TMEM117: variants seen among roughly 807,000 people sequenced by gnomAD.
The protein encoded by TMEM117 is transmembrane protein 117.
In TMEM117, 27 loss-of-function variants were observed where a neutral mutation model predicts 52.4. The ratio of observed to expected loss-of-function variants is 0.51; its 90% CI spans 0.38 to 0.71. The LOEUF (loss-of-function observed/expected upper bound fraction) is 0.71. Ranked by LOEUF, TMEM117 falls within the 30% of genes least tolerant of loss-of-function variation. The pLI is 0.00. For missense variants in TMEM117, 556 were observed against 630.5 expected (o/e 0.88, Z 1.26); for synonymous variants, 215 against 206.3 (o/e 1.04, Z -0.36).
chr12:43,946,208 AAC>A (rs1470224192), intron 3 of TMEM117, among the ~76,000 whole-genome samples: 8 of 152,164 alleles, frequency 5.3e-5, no homozygotes, highest in African/African-American at 1.9e-4. Flanking sequence ...GGAGTTAGCT[AAC>A]ACAGCCAAAG....
intron 2 of TMEM117, among the ~76,000 whole-genome samples, chr12:43,902,449 T>C (rs1188558892): frequency 1.3e-5 from 2 of 152,212 alleles, no homozygotes; most frequent in East Asian, 3.8e-4. Context: ...GTTTTCAGAA[T>C]TGAACTAATA....
In TMEM117 at chr12:43,884,671, G is replaced by A. The variant is rs962600503; in HGVS notation, c.277+39743G>A. ...TACTGTTTTGTTTGCCTGTCGTGGA[G>A]TCCTAATTAGGGAAAAAGTCTCAGG... On this transcript the variant is annotated intron_variant, in intron 2 of 7. Transcript: ENST00000266534. Among the ~76,000 whole-genome samples, 200 of 152,246 alleles carry A rather than the reference G, an allele frequency of 1.3e-3. 2 individuals are homozygous for A. The highest frequency in any genetic ancestry group is 3.9e-4 in the East Asian group (2 of 5,180).
the TMEM117 span, among the ~76,000 whole-genome samples, chr12:43,821,755 T>C: frequency 2.0e-5 from 3 of 152,234 alleles, no homozygotes; most frequent in Non-Finnish European, 4.4e-5. Flanking sequence ...TTTCCATTTG[T>C]ATTCTGTTTG....
intron 3 of TMEM117, among the ~76,000 whole-genome samples, chr12:44,099,897 T>C (rs754119639): frequency 9.9e-5 from 15 of 151,532 alleles, no homozygotes; most frequent in Admixed American, 3.3e-4. Flanking sequence ...GAGCAAGCCA[T>C]GTAGTGGTGA....
At chr12:44,067,145 C>T (rs962042920) in intron 3 of TMEM117, among the ~76,000 whole-genome samples, 6 of 152,174 alleles carry the variant, frequency 3.9e-5, no homozygotes, top group African/African-American at 1.4e-4. Flanking sequence ...CCTCTTCAGG[C>T]TCTACTTCTA....
chr12:44,379,890 A>G (rs953816215), intron 7 of TMEM117, among the ~76,000 whole-genome samples: 1 of 152,124 alleles, frequency 6.6e-6, no homozygotes, highest in African/African-American at 2.4e-5. Flanking sequence ...AACCCTCTAG[A>G]TCCGTCAGGG....
At chr12:44,269,176 T>C (rs1370573576) in intron 5 of TMEM117, among the ~76,000 whole-genome samples, 3 of 152,150 alleles carry the variant, frequency 2.0e-5, no homozygotes, top group Admixed American at 6.5e-5. Context: ...GGGTTAGCTA[T>C]GTGATAATTT....
chr12:44,356,844 G>A (rs1202757993), intron 6 of TMEM117, among the ~76,000 whole-genome samples: 12 of 152,046 alleles, frequency 7.9e-5, no homozygotes, highest in Admixed American at 7.9e-4. Flanking sequence ...CTTAACACAA[G>A]ACTCTCCCCA....
At chr12:44,245,583 GTT>G (rs76314370) in intron 5 of TMEM117, among the ~76,000 whole-genome samples, 9 of 142,682 alleles carry the variant, frequency 6.3e-5, no homozygotes, top group African/African-American at 2.3e-4. Context: ...CAGTTCTAAC[GTT>G]TTTTTTTTTG....
At chr12:44,166,743 T>A (rs922537193) in intron 4 of TMEM117, among the ~76,000 whole-genome samples, 1 of 152,204 alleles carries the variant, frequency 6.6e-6, no homozygotes, top group Non-Finnish European at 1.5e-5. Context: ...TTAAGCATCC[T>A]GCAAAATCTT....
chr12:44,320,069 AC>A (rs1168075885), intron 6 of TMEM117, among the ~76,000 whole-genome samples: 5 of 152,198 alleles, frequency 3.3e-5, no homozygotes, highest in Non-Finnish European at 7.3e-5. Context: ...CTAACTGGCA[AC>A]CAGCTCTATC....
chr12:43,993,993 A>C (rs571902388), intron 3 of TMEM117, among the ~76,000 whole-genome samples: 1 of 152,196 alleles, frequency 6.6e-6, no homozygotes, highest in South Asian at 2.1e-4. Context: ...CTGTGTCTGG[A>C]CAAGATTTTT....
At chr12:44,308,007 C>A (rs1190235910) in intron 6 of TMEM117, among the ~76,000 whole-genome samples, 1 of 152,168 alleles carries the variant, frequency 6.6e-6, no homozygotes, top group Non-Finnish European at 1.5e-5. Flanking sequence ...ATAGTAAATT[C>A]TGTGAGGGAT....
chr12:43,816,212 G>T, the TMEM117 span, among the ~76,000 whole-genome samples: 1 of 152,136 alleles, frequency 6.6e-6, no homozygotes, highest in Non-Finnish European at 1.5e-5. Context: ...CTTGTTGGGG[G>T]TAATTGTGGG....
intron 3 of TMEM117, among the ~76,000 whole-genome samples, chr12:43,946,263 G>A (rs906983278): frequency 6.6e-6 from 1 of 151,960 alleles, no homozygotes; most frequent in Non-Finnish European, 1.5e-5. Flanking sequence ...ACTGAGAGCA[G>A]AAGGAGAAGG....
chr12:44,025,650 A>G (rs1195212039), intron 3 of TMEM117, among the ~76,000 whole-genome samples: 1 of 152,192 alleles, frequency 6.6e-6, no homozygotes, highest in Non-Finnish European at 1.5e-5. Flanking sequence ...TTTCGAAAAA[A>G]AATGTTGCTG....
chr12:44,339,371 C>T (rs1426396800), intron 6 of TMEM117, among the ~76,000 whole-genome samples: 1 of 151,736 alleles, frequency 6.6e-6, no homozygotes, highest in African/African-American at 2.4e-5. Context: ...TTGCAATGAT[C>T]TACAACATCC....
At chr12:43,824,363 A>G in the TMEM117 span, among the ~76,000 whole-genome samples, 1 of 152,210 alleles carries the variant, frequency 6.6e-6, no homozygotes, top group Non-Finnish European at 1.5e-5. Flanking sequence ...CTATTGGTAG[A>G]ATGCAGAAGT....
At chr12:44,060,170 C>T (rs79058280) in intron 3 of TMEM117, among the ~76,000 whole-genome samples, 2,431 of 152,220 alleles carry the variant, frequency 0.016, 47 homozygotes, top group African/African-American at 0.055. Flanking sequence ...GACTAGGATA[C>T]GTGGGAAGCT....
Sources: allele counts gnomAD v4.1 joint callset (sites outside exome capture counted in the v4.1 genomes callset), GRCh38; gene constraint gnomAD v4.1.1; transcripts MANE v1.5; gene names NCBI Gene and HGNC (gene_info 2026-07-23, HGNC 2026-07-21).